NSD3: variants seen among roughly 807,000 people sequenced by gnomAD.
The protein encoded by NSD3 is histone-lysine N-methyltransferase NSD3.
In NSD3, 24 loss-of-function variants were observed where a neutral mutation model predicts 160.8. That is an observed-to-expected ratio of 0.15 (90% confidence interval 0.11 to 0.21). NSD3 has a LOEUF of 0.21. NSD3 is among the 10% of genes least tolerant of loss of function. The probability of loss-of-function intolerance (pLI) is 1.00; values close to 1 mark genes in which losing one functional copy is unlikely to be tolerated. For synonymous variants in NSD3, 520 were observed against 600.0 expected, an observed-to-expected ratio of 0.87 and a Z score of 1.95; for missense variants, 1,157 against 1,735.9, an observed-to-expected ratio of 0.67 and a Z score of 5.93.
chr8:38,355,025 T>G (rs1054998863), intron 1 of NSD3, among the ~76,000 whole-genome samples: 1 of 152,190 alleles, frequency 6.6e-6, no homozygotes, highest in South Asian at 2.1e-4. Flanking sequence ...GTGATTTTTA[T>G]GGGCAGCGGA....
chr8:38,304,831 C>A, intron 13 of NSD3, 74 bp from the exon 14 acceptor site: 1 of 1,467,424 alleles, frequency 6.8e-7, no homozygotes, highest in Non-Finnish European at 9.1e-7. Context: ...TGGAGTTGGG[C>A]TTTTTTGGGT....
At chr8:38,308,020 A>G (rs980501687) in intron 12 of NSD3, among the ~76,000 whole-genome samples, 1 of 152,238 alleles carries the variant, frequency 6.6e-6, no homozygotes, top group African/African-American at 2.4e-5. Context: ...TATAATAACA[A>G]ACTTGTCAAA....
intron 1 of NSD3, among the ~76,000 whole-genome samples, chr8:38,378,344 A>C (rs1283649469): frequency 6.6e-6 from 1 of 152,076 alleles, no homozygotes; most frequent in East Asian, 1.9e-4. Context: ...TCTCTACTAA[A>C]AAAAATACAA....
intron 1 of NSD3, among the ~76,000 whole-genome samples, chr8:38,379,042 T>C (rs1811472862): frequency 1.3e-5 from 2 of 151,768 alleles, no homozygotes; most frequent in African/African-American, 4.8e-5. Context: ...GTTTCCTTTA[T>C]CCAAAACTCA....
chr8:38,344,864 T>TG (rs1810474461), intron 2 of NSD3, among the ~76,000 whole-genome samples: 1 of 152,164 alleles, frequency 6.6e-6, no homozygotes, highest in Admixed American at 6.5e-5. Flanking sequence ...CACCAAGGGC[T>TG]GGGACCCCTA....
chr8:38,305,626 G>C (rs1332877502), intron 12 of NSD3, among the ~76,000 whole-genome samples, 181 bp from the exon 13 acceptor site: 1 of 152,098 alleles, frequency 6.6e-6, no homozygotes, highest in African/African-American at 2.4e-5. Flanking sequence ...AATTTTGCTA[G>C]AATAATTGAT....
chr8:38,310,418 T>C (rs1468014138), intron 12 of NSD3, among the ~76,000 whole-genome samples: 3 of 152,222 alleles, frequency 2.0e-5, no homozygotes, highest in Non-Finnish European at 4.4e-5. Context: ...TGTTTATTCA[T>C]CCATCAATGG....
At chr8:38,309,750 T>C (rs1469229497) in intron 12 of NSD3, among the ~76,000 whole-genome samples, 1 of 152,248 alleles carries the variant, frequency 6.6e-6, no homozygotes, top group East Asian at 1.9e-4. Flanking sequence ...AGACTTATTC[T>C]ATTGTACATT....
chr8:38,371,996 A>G (rs1327797714), intron 1 of NSD3, among the ~76,000 whole-genome samples: 2 of 152,228 alleles, frequency 1.3e-5, no homozygotes, highest in Non-Finnish European at 2.9e-5. Flanking sequence ...TGCCCAAATT[A>G]CAGAAAAGTT....
At chr8:38,337,583 A>C in intron 3 of NSD3, 116 bp from the exon 4 acceptor site, 1 of 965,502 alleles carries the variant, frequency 1.0e-6, no homozygotes, top group Non-Finnish European at 1.4e-6. Context: ...GATACAGGAA[A>C]GTGTCAAAAA....
chr8:38,364,704 A>C (rs1159295102), intron 1 of NSD3, among the ~76,000 whole-genome samples: 2 of 152,248 alleles, frequency 1.3e-5, no homozygotes, highest in African/African-American at 2.4e-5. Context: ...GATTTTCATA[A>C]AAATATATAG....
At chr8:38,323,598 G>GT (rs996630938) in intron 7 of NSD3, among the ~76,000 whole-genome samples, 9 of 152,092 alleles carry the variant, frequency 5.9e-5, no homozygotes, top group African/African-American at 2.2e-4. Flanking sequence ...CAGGAGGATC[G>GT]TTTGAGCCCA....
intron 7 of NSD3, among the ~76,000 whole-genome samples, chr8:38,322,902 A>G (rs184455785): frequency 1.3e-5 from 2 of 152,322 alleles, no homozygotes; most frequent in Admixed American, 6.5e-5. Context: ...ACAAGTTTCT[A>G]TTTTGACTTT....
chr8:38,328,489 A>C (rs1405072899), intron 6 of NSD3, among the ~76,000 whole-genome samples: 2 of 152,220 alleles, frequency 1.3e-5, no homozygotes, highest in Non-Finnish European at 2.9e-5. Context: ...AACTGAAGTC[A>C]GCTGAACCTA....
chr8:38,299,839 A>C (rs1336737824), intron 14 of NSD3: 1 of 331,598 alleles, frequency 3.0e-6, no homozygotes, highest in Non-Finnish European at 5.4e-6. Flanking sequence ...ACTTCAAATA[A>C]TTTGAAGATA....
chr8:38,355,318 A>G (rs1563366247), intron 1 of NSD3, among the ~76,000 whole-genome samples: 1 of 152,078 alleles, frequency 6.6e-6, no homozygotes, highest in Non-Finnish European at 1.5e-5. Context: ...ACAGCACTTA[A>G]GACAGTGCCT....
intron 23 of NSD3, 95 bp downstream of exon 23, chr8:38,276,201 C>T: frequency 7.2e-7 from 1 of 1,379,962 alleles, no homozygotes; most frequent in Non-Finnish European, 1.0e-6. Context: ...TTGTTCTATT[C>T]AACATTTCCT....
At chr8:38,312,737 G>GT (rs1355224491) in intron 12 of NSD3, among the ~76,000 whole-genome samples, 1 of 152,118 alleles carries the variant, frequency 6.6e-6, no homozygotes, top group East Asian at 1.9e-4. Context: ...TGCCATGATT[G>GT]TAAGTTTCCT....
chr8:38,324,682 A>G (rs1316958671), intron 7 of NSD3, among the ~76,000 whole-genome samples: 3 of 152,140 alleles, frequency 2.0e-5, no homozygotes, highest in Non-Finnish European at 2.9e-5. Context: ...TTTTGCTCTA[A>G]AGAGGCAACT....
Sources: gnomAD v4.1 joint callset for allele counts (sites outside exome capture counted in the v4.1 genomes callset) on GRCh38, gnomAD v4.1.1 for gene constraint, MANE v1.5 for transcripts, NCBI Gene and HGNC (gene_info 2026-07-23, HGNC 2026-07-21) for gene names.